Variants in TTN observed in about 807,000 individuals in gnomAD.
TTN encodes titin, also known as connectin.
In TTN, 1,525 loss-of-function variants were observed where a neutral mutation model predicts 3,223.0. That is an observed-to-expected ratio of 0.47 (90% CI 0.45 to 0.49). TTN has a LOEUF of 0.49. TTN is among the 20% of genes least tolerant of loss of function. The pLI is 0.00. For missense variants in TTN, 40,786 were observed against 43,424.0 expected, an observed-to-expected ratio of 0.94 and a Z score of 5.40; for synonymous variants, 14,094 against 15,161.0, an observed-to-expected ratio of 0.93 and a Z score of 5.17.
intron 38 of TTN, among the ~76,000 whole-genome samples, chr2:178,768,392 C>T (rs2090903428): frequency 6.6e-6 from 1 of 152,174 alleles, no homozygotes. Context: ...TAAGCAACCA[C>T]CAATCTACAT....
At chr2:178,803,406 C>T (rs1330005274) in intron 2 of TTN, among the ~76,000 whole-genome samples, 2 of 151,598 alleles carry the variant, frequency 1.3e-5, no homozygotes, top group African/African-American at 4.8e-5. Flanking sequence ...TGAGTGTTAC[C>T]AGATAAATAG....
At position 178,597,604 on chromosome 2, in the gene TTN, C is replaced by G. The variant is rs200778464; in HGVS notation, c.57478G>C (p.Val19160Leu). The change falls in exon 294 of 363, where the codon GTC becomes CTC. Residue 19160 changes from valine to leucine, a missense_variant. Physicochemically the swap from Val to Leu is conservative, Grantham distance 32. Coordinates refer to ENST00000589042, the MANE Select transcript of TTN (RefSeq NM_001267550.2). The part of the protein sequence containing the change: ...IKNCQRSHQG[V>L]YSLLAKNEAG... ...TCATTTTTGGCAAGAAGAGAATAGA[C>G]GCCTTGATGGCTCCTCTGGCAGTTC... The G allele has an allele frequency of 3.0e-4, 491 of 1,612,980 alleles. No individual in the cohort carries two copies. Among genetic ancestry groups the G allele is most frequent in the Non-Finnish European group, 4.1e-4 (481 of 1,179,492 alleles).
At position 178,594,645 on chromosome 2, in the gene TTN, A is replaced by G. The variant is rs989489157; in HGVS notation, c.57849T>C (p.Thr19283=). ...SEALVIREPI[T]VPERPEDLEV... ...CCAGGTCTTCAGGACGCTCTGGTAC[A>G]GCTGCGAATATAAGTATAGGAATTG... The change falls in exon 296 of 363, where the codon ACT becomes ACC. Residue 19283 remains threonine (T), a splice_region_variant and synonymous_variant. Coordinates refer to ENST00000589042, the MANE Select transcript of TTN (RefSeq NM_001267550.2). 22 of 1,593,180 alleles carry G rather than the reference A, an allele frequency of 1.4e-5. No individual in the cohort carries two copies. The highest frequency in any genetic ancestry group is 1.7e-5 in the Non-Finnish European group (20 of 1,169,820).
At chr2:178,798,222 T>C (rs2093873278) in intron 6 of TTN, among the ~76,000 whole-genome samples, 4 of 152,182 alleles carry the variant, frequency 2.6e-5, no homozygotes, top group Non-Finnish European at 4.4e-5. Flanking sequence ...TAAAAAATTT[T>C]CTTGGCAGGG....
rs1381430946 is a variant in TTN, at chr2:178,530,750, T to C, written c.105865A>G (p.Thr35289Ala). The change falls in exon 358 of 363, where the codon ACT becomes GCT. Residue 35289 changes from threonine to alanine, a missense_variant. Transcript: ENST00000589042. ...GAAGCTTCTGCTTTCAGGAACTGAG[T>C]AATCTTTGGTGGGGCAGAGACTGGG... The part of the protein sequence containing the change: ...HLPVSAPPKI[T>A]QFLKAEASKE... 1.2e-6 allele frequency: 2 copies of C among 1,613,796 alleles called. No homozygotes were observed. The highest frequency in any genetic ancestry group is 3.3e-5 in the Admixed American group (2 of 60,002).
At chr2:178,805,853 A>G (rs2094294410) in intron 1 of TTN, among the ~76,000 whole-genome samples, 1 of 152,212 alleles carries the variant, frequency 6.6e-6, no homozygotes, top group African/African-American at 2.4e-5. Flanking sequence ...AACATCAAAG[A>G]AACGAATATA....
rs145748940 is a variant in TTN, at chr2:178,531,748, C to T, written c.104867G>A (p.Gly34956Asp). ...LRMRSHRVPCGQNTRFILNVQ... is the reference protein window; with the variant it reads ...LRMRSHRVPCDQNTRFILNVQ... ...ATTTAAAATAAAACGTGTATTTTGG[C>T]CACATGGTACCCTGTGCGAGCGCAT... The change falls in exon 358 of 363, where the codon GGC (glycine) becomes GAC (aspartate). Residue 34956 changes from glycine to aspartate, a missense_variant. Physicochemically the swap from Gly to Asp is moderately conservative, Grantham distance 94. Transcript: ENST00000589042. The T allele has an allele frequency of 3.7e-6, 6 of 1,613,922 alleles. No homozygotes were observed. In the African/African-American group the frequency reaches 4.0e-5, roughly 11 times the overall value.
chr2:178,607,065 C>T lies in TTN; in HGVS notation c.53537G>A (p.Gly17846Asp), dbSNP rs1296371746. The T allele has an allele frequency of 6.2e-7, 1 of 1,611,922 alleles. No individual in the cohort carries two copies. Among genetic ancestry groups the T allele is most frequent in the East Asian group, 2.2e-5 (1 of 44,710 alleles). The change falls in exon 278 of 363, where the codon GGC becomes GAC. Residue 17846 changes from glycine to aspartate, a missense_variant. Coordinates refer to ENST00000589042, the MANE Select transcript of TTN (RefSeq NM_001267550.2). The part of the protein sequence containing the change: ...RVIAKNKFGC[G>D]PPVEIGPILA... ...AATTGGTCCTATTTCAACAGGAGGG[C>T]CACAGCCAAACTTGTTCTTGGCAAT...
At position 178,734,781 on chromosome 2, in the gene TTN, T is replaced by G; in HGVS notation, c.15143A>C (p.Asp5048Ala). 2 of 1,613,870 alleles carry G rather than the reference T, an allele frequency of 1.2e-6. No individual in the cohort carries two copies. The highest frequency in any genetic ancestry group is 4.5e-5 in the East Asian group (2 of 44,866). The change falls in exon 51 of 363, where the codon GAC becomes GCC. Residue 5048 changes from aspartate (D) to alanine (A), a missense_variant. Coordinates refer to ENST00000589042, the MANE Select transcript of TTN (RefSeq NM_001267550.2). ...ILDITDVKVE[D>A]SGSYSCEAVN... The stretch of plus-strand genomic sequence containing the variant: ...TGCTTCACATGAGTAACTCCCACTG[T>G]CTTCAACTTTTACATCCGTAATATC...
At chr2:178,604,368 T>A in intron 281 of TTN, 63 bp from the exon 282 acceptor site, 1 of 1,298,364 alleles carries the variant, frequency 7.7e-7, no homozygotes, top group Non-Finnish European at 1.0e-6. Flanking sequence ...TTCACTCATT[T>A]AAAAATTCAA....
chr2:178,556,634 C>T (rs1400155829), intron 330 of TTN: 1 of 579,752 alleles, frequency 1.7e-6, no homozygotes, highest in Non-Finnish European at 3.0e-6. Flanking sequence ...CATAGATATC[C>T]TGAGGTCTAA....
In TTN at chr2:178,563,708, G is replaced by A; in HGVS notation, c.82424C>T (p.Thr27475Ile). 1 of 1,613,780 alleles carries A rather than the reference G, an allele frequency of 6.2e-7. No individual in the cohort carries two copies. The highest frequency in any genetic ancestry group is 8.5e-7 in the Non-Finnish European group (1 of 1,179,778). ...TTTGGTGATTGCTGAGACTTCAGGT[G>A]TTGAGGGAGGACCTGGTGGCTTATA... ...NPYKPPGPPS[T>I]PEVSAITKDS... The change falls in exon 326 of 363, where the codon ACA (threonine) becomes ATA (isoleucine). Residue 27475 changes from threonine to isoleucine, a missense_variant. Thr to Ile is a moderately conservative substitution (Grantham distance 89). Coordinates refer to ENST00000589042, the MANE Select transcript of TTN (RefSeq NM_001267550.2). This position sits in a 1 kb window ranked among gnomAD's most constrained non-coding sequence, Gnocchi z 4.5.
chr2:178,541,283 A>C lies in TTN; in HGVS notation c.97794T>G (p.Ile32598Met). ...PSKPIVAMDP[I>M]APPGKPQNPR... ...TTGACTGATACAAAATGTCCTTACC[A>C]ATTGGATCCATGGCAACGATGGGTT... Residue 32598 changes from isoleucine to methionine, a missense_variant and splice_region_variant, in exon 350 of 363, where the codon ATT (isoleucine) becomes ATG (methionine). Coordinates refer to ENST00000589042, the MANE Select transcript of TTN (RefSeq NM_001267550.2). 1 of 1,499,232 alleles carries C rather than the reference A, an allele frequency of 6.7e-7. No individual in the cohort carries two copies. Among genetic ancestry groups the C allele is most frequent in the Admixed American group, 2.1e-5 (1 of 47,810 alleles). The allele number at this position is 1,499,232 out of a possible 1,614,324, so 92.9% of individuals were successfully genotyped here. A position where few individuals can be genotyped will look rare whatever the true frequency, so the allele number is the denominator to read the frequency against.
At chr2:178,667,186 TGAA>T in intron 162 of TTN, 47 bp downstream of exon 162, 1 of 1,445,920 alleles carries the variant, frequency 6.9e-7, no homozygotes, top group Non-Finnish European at 9.5e-7. Flanking sequence ...TTTTGCAGAC[TGAA>T]GACAGTATAT....
At chr2:178,664,630 C>G (rs754339203) in intron 167 of TTN, 24 bp downstream of exon 167, 42 of 1,611,582 alleles carry the variant, frequency 2.6e-5, no homozygotes, top group Non-Finnish European at 3.2e-5. Flanking sequence ...GTTCCCACCC[C>G]TCTAAGCTTC....
chr2:178,605,374 TA>T, intron 279 of TTN, 39 bp downstream of exon 279: 1 of 1,542,050 alleles, frequency 6.5e-7, no homozygotes, highest in Non-Finnish European at 8.7e-7. Context: ...AGGCACACTG[TA>T]AAATGCATTA....
intron 305 of TTN, 49 bp from the exon 306 acceptor site, chr2:178,587,849 A>G: frequency 6.4e-7 from 1 of 1,566,328 alleles, no homozygotes; most frequent in African/African-American, 1.4e-5. Flanking sequence ...ATGTGGGGAA[A>G]TCATAAGAAA....
Position 178,769,955 on chromosome 2 carries a change from G to C in TTN, c.8642-16C>G, listed in dbSNP as rs995663072. The C allele has an allele frequency of 6.2e-7, 1 of 1,614,052 alleles. No individual in the cohort carries two copies. The highest frequency in any genetic ancestry group is 1.1e-5 in the South Asian group (1 of 91,056). On this transcript the variant is annotated splice_polypyrimidine_tract_variant and intron_variant, in intron 36 of 362. Coordinates refer to ENST00000589042, the MANE Select transcript of TTN (RefSeq NM_001267550.2). ...ATATGTAATGCTTGGTAAAATCAAA[G>C]AGCACTTCAGTTAATACAATTTGTT...
In TTN at chr2:178,685,246, A is replaced by C; in HGVS notation, c.32470+7T>G. 2 of 1,533,980 alleles carry C rather than the reference A, an allele frequency of 1.3e-6. No individual in the cohort carries two copies. The highest frequency in any genetic ancestry group is 8.8e-7 in the Non-Finnish European group (1 of 1,141,942). On this transcript the variant is annotated splice_region_variant and intron_variant, in intron 129 of 362. Transcript: ENST00000589042. Reference sequence around the variant, plus strand: ...ATAGTGTTGCATTTCTTTGAAAGAAATCATACCTTTAGCCGGTGGAGGCTC... The same window carrying C: ...ATAGTGTTGCATTTCTTTGAAAGAACTCATACCTTTAGCCGGTGGAGGCTC...
Sources: gnomAD v4.1 joint callset for allele counts (sites outside exome capture counted in the v4.1 genomes callset) on GRCh38, gnomAD v4.1.1 for gene constraint, Gnocchi (gnomAD v3.1) non-coding constraint, MANE v1.5 for transcripts, NCBI Gene and HGNC (gene_info 2026-07-23, HGNC 2026-07-21) for gene names.